The following ZBTB40 variants were observed in gnomAD, a reference collection of about 807,000 sequenced individuals.
ZBTB40 encodes zinc finger and BTB domain-containing protein 40.
ZBTB40 carries 60 observed loss-of-function variants against 117.5 expected under a neutral mutation model. That is an observed-to-expected ratio of 0.51 (90% CI 0.41 to 0.63). The LOEUF (loss-of-function observed/expected upper bound fraction) is 0.63. Among genes scored for constraint, ZBTB40 ranks in the 30% least tolerant of loss-of-function variants. The pLI is 0.00. For synonymous variants in ZBTB40, 525 were observed against 577.1 expected (o/e 0.91, Z 1.29); for missense variants, 1,287 against 1,498.5 (o/e 0.86, Z 2.33).
At position 22,526,448 on chromosome 1, in the gene ZBTB40, C is replaced by A. The variant is rs769113810; in HGVS notation, c.*52C>A. 19 of 1,609,012 alleles carry A rather than the reference C, an allele frequency of 1.2e-5. No individual in the cohort carries two copies. Among genetic ancestry groups the A allele is most frequent in the Non-Finnish European group, 1.6e-5 (19 of 1,178,384 alleles). The stretch of plus-strand genomic sequence containing the variant: ...CTGCGTTTGCAGCAGAGAGGAGGCC[C>A]CACAGCTTGCCCTTTGCCCTCCATC... On this transcript the variant is annotated 3_prime_UTR_variant, in exon 18 of 18. Coordinates refer to ENST00000375647, the MANE Select transcript of ZBTB40 (RefSeq NM_014870.4).
chr1:22,491,264 T>A, intron 2 of ZBTB40, 136 bp from the exon 3 acceptor site: 1 of 864,782 alleles, frequency 1.2e-6, no homozygotes, highest in Non-Finnish European at 1.8e-6. Context: ...CTGTTGTCTG[T>A]TATTCATAAC....
chr1:22,520,147 T>G lies in ZBTB40; in HGVS notation c.2920T>G (p.Ser974Ala). ...CCGGAAGCACATCCATGAGGTGCACTCCAAAGAGTACCACCCCTGCCCCAC... is the reference window on the plus strand; with the variant it reads ...CCGGAAGCACATCCATGAGGTGCACGCCAAAGAGTACCACCCCTGCCCCAC... ...DHRKHIHEVH[S>A]KEYHPCPTCG... Residue 974 changes from serine (S) to alanine (A), a missense_variant, in exon 14 of 18, where the codon TCC becomes GCC. Ser to Ala is a moderately conservative substitution (Grantham distance 99). Transcript: ENST00000375647. The G allele has an allele frequency of 1.2e-6, 2 of 1,614,128 alleles. No individual in the cohort carries two copies. Among genetic ancestry groups the G allele is most frequent in the African/African-American group, 1.3e-5 (1 of 75,034 alleles).
At position 22,528,597 on chromosome 1, in the gene ZBTB40, T is replaced by C. The variant is rs958280755; in HGVS notation, c.*2201T>C. On this transcript the variant is annotated 3_prime_UTR_variant, in exon 18 of 18. Coordinates refer to ENST00000375647, the MANE Select transcript of ZBTB40 (RefSeq NM_014870.4). Reference sequence around the variant, plus strand: ...CCCAGACTGGAACACAGTGGCACGATCTTGGCTCACTGCAACCTCTGCGGG... The same window carrying C: ...CCCAGACTGGAACACAGTGGCACGACCTTGGCTCACTGCAACCTCTGCGGG... The C allele has an allele frequency of 6.6e-6, 1 of 152,218 alleles. No individual in the cohort carries two copies. Among genetic ancestry groups the C allele is most frequent in the Non-Finnish European group, 1.5e-5 (1 of 68,052 alleles). 9.4% of individuals were successfully genotyped at this position (152,218 alleles called of 1,614,324 possible).
chr1:22,527,570 T>A lies in ZBTB40; in HGVS notation c.*1174T>A, dbSNP rs1639714185. 1 of 152,406 alleles carries A rather than the reference T, an allele frequency of 6.6e-6. No homozygotes were observed. The highest frequency in any genetic ancestry group is 6.5e-5 in the Admixed American group (1 of 15,290). 9.4% of individuals were successfully genotyped at this position (152,406 alleles called of 1,614,324 possible). A position where few individuals can be genotyped will look rare whatever the true frequency, so the allele number is the denominator to read the frequency against. On this transcript the variant is annotated 3_prime_UTR_variant, in exon 18 of 18. Transcript: ENST00000375647. ...AGAATGACTAGCATTTATCTTCTTT[T>A]CCTTCCATGCCAAAGGTTGGAGTCT...
chr1:22,479,823 C>T (rs1164883764), intron 1 of ZBTB40, among the ~76,000 whole-genome samples: 1 of 152,104 alleles, frequency 6.6e-6, no homozygotes, highest in Non-Finnish European at 1.5e-5. Flanking sequence ...ACTTTTCTTC[C>T]TAATCACACA....
intron 4 of ZBTB40, 77 bp downstream of exon 4, chr1:22,501,761 GTTTC>G: frequency 6.8e-7 from 1 of 1,462,842 alleles, no homozygotes. Flanking sequence ...CCAATGACAT[GTTTC>G]TTTGGTGGCT....
At chr1:22,504,225 T>A (rs566564472) in intron 5 of ZBTB40, among the ~76,000 whole-genome samples, 1 of 152,186 alleles carries the variant, frequency 6.6e-6, no homozygotes, top group Non-Finnish European at 1.5e-5. Flanking sequence ...TTTTCAAACT[T>A]TTTTTCTGGT....
chr1:22,518,955 C>T (rs1199425327), intron 13 of ZBTB40, among the ~76,000 whole-genome samples: 1 of 152,214 alleles, frequency 6.6e-6, no homozygotes, highest in Non-Finnish European at 1.5e-5. Context: ...TTGCCATACC[C>T]TAAACTATAT....
chr1:22,511,948 C>A lies in ZBTB40; in HGVS notation c.2275C>A (p.Arg759=). Residue 759 remains arginine, a synonymous_variant, in exon 11 of 18, where the codon CGG becomes AGG. Coordinates refer to ENST00000375647, the MANE Select transcript of ZBTB40 (RefSeq NM_014870.4). ...CRLKVHMKRC[R]VAKSKQVQCK... The stretch of plus-strand genomic sequence containing the variant: ...CCTAAAGGTGCACATGAAGCGCTGC[C>A]GGGTGGCTAAGAGCAAACAGGTGCA... The A allele has an allele frequency of 1.9e-6, 3 of 1,614,148 alleles. No individual in the cohort carries two copies. Among genetic ancestry groups the A allele is most frequent in the Non-Finnish European group, 2.5e-6 (3 of 1,180,028 alleles).
chr1:22,435,663 A>C (rs1254050462), intron 1 of ZBTB40, among the ~76,000 whole-genome samples: 1 of 152,192 alleles, frequency 6.6e-6, no homozygotes, highest in Non-Finnish European at 1.5e-5. Context: ...CCAATGAAGC[A>C]GATATACTGT....
At chr1:22,520,933 G>A (rs1639504693) in intron 14 of ZBTB40, among the ~76,000 whole-genome samples, 1 of 152,226 alleles carries the variant, frequency 6.6e-6, no homozygotes, top group South Asian at 2.1e-4. Context: ...ACCTGGGCTT[G>A]AGCCCTAGGA....
chr1:22,502,581 T>C, intron 5 of ZBTB40, 140 bp downstream of exon 5: 1 of 1,192,948 alleles, frequency 8.4e-7, no homozygotes, highest in Non-Finnish European at 1.2e-6. Flanking sequence ...AAGGTGCTTG[T>C]TTCATATCCT....
At chr1:22,457,163 T>C (rs1169117247) in intron 1 of ZBTB40, among the ~76,000 whole-genome samples, 2 of 151,760 alleles carry the variant, frequency 1.3e-5, no homozygotes, top group Non-Finnish European at 2.9e-5. Flanking sequence ...GGGGAGGGGA[T>C]AGACTTGAGG....
chr1:22,452,345 T>A (rs1050888692), intron 1 of ZBTB40, among the ~76,000 whole-genome samples: 3 of 152,178 alleles, frequency 2.0e-5, no homozygotes, highest in Admixed American at 6.5e-5. Flanking sequence ...CCCCCTCCCT[T>A]CAGGTCCCTT....
chr1:22,477,122 A>G (rs1458949845), intron 1 of ZBTB40, among the ~76,000 whole-genome samples: 1 of 152,182 alleles, frequency 6.6e-6, no homozygotes, highest in Non-Finnish European at 1.5e-5. Flanking sequence ...TCACTAGTGT[A>G]TCCCTCATGA....
In ZBTB40 at chr1:22,530,148, A is replaced by G. The variant is rs1053115483; in HGVS notation, c.*3752A>G. ...GTTCCAGGGAGACAAGCAGCATGTT[A>G]TTAAATTGGGCCTAGGCAGTTGGAC... is the stretch of plus-strand genomic sequence containing the variant. On this transcript the variant is annotated 3_prime_UTR_variant, in exon 18 of 18. Coordinates refer to ENST00000375647, the MANE Select transcript of ZBTB40 (RefSeq NM_014870.4). 1 of 152,332 alleles carries G rather than the reference A, an allele frequency of 6.6e-6. No individual in the cohort carries two copies. The highest frequency in any genetic ancestry group is 1.5e-5 in the Non-Finnish European group (1 of 68,126). 9.4% of individuals were successfully genotyped at this position (152,332 alleles called of 1,614,324 possible). A position where few individuals can be genotyped will look rare whatever the true frequency, so the allele number is the denominator to read the frequency against.
intron 1 of ZBTB40, among the ~76,000 whole-genome samples, chr1:22,458,452 C>T (rs1641054898): frequency 6.6e-6 from 1 of 152,226 alleles, no homozygotes; most frequent in African/African-American, 2.4e-5. Flanking sequence ...CAGTGGGCCA[C>T]ATTCCAAGGC....
chr1:22,508,990 G>C, intron 8 of ZBTB40, 110 bp from the exon 9 acceptor site: 1 of 1,555,560 alleles, frequency 6.4e-7, no homozygotes, highest in Non-Finnish European at 8.9e-7. Context: ...ACCTCAGATA[G>C]GAGATAGGGG....
rs777325553 is a variant in ZBTB40 at position 22,513,940 on chromosome 1, A to G, written c.2668+810A>G. Reference sequence around the variant, plus strand: ...TTGAGCTTTGAAGTCGAGTTCAAGCATGAGAAGGACCCTGACTAAGCACCT... The same window carrying G: ...TTGAGCTTTGAAGTCGAGTTCAAGCGTGAGAAGGACCCTGACTAAGCACCT... On this transcript the variant is annotated intron_variant, in intron 12 of 17. Transcript: ENST00000375647. The surrounding 1 kb of genome is among the most constrained non-coding windows in gnomAD (Gnocchi z 4.9). 6.6e-6 allele frequency among the ~76,000 whole-genome samples: 1 copy of G among 152,242 alleles called. No individual in the cohort carries two copies. The highest frequency in any genetic ancestry group is 1.9e-4 in the East Asian group (1 of 5,194).
Sources: allele counts gnomAD v4.1 joint callset (sites outside exome capture counted in the v4.1 genomes callset), GRCh38; gene constraint gnomAD v4.1.1; non-coding constraint Gnocchi (gnomAD v3.1); transcripts MANE v1.5; gene names NCBI Gene and HGNC (gene_info 2026-07-23, HGNC 2026-07-21).